Variants in LRCH1 observed in about 807,000 individuals in gnomAD.
The protein encoded by LRCH1 is leucine-rich repeat and calponin homology domain-containing protein 1.
Under a neutral mutation model 94.9 loss-of-function variants are expected in LRCH1, and 23 were observed. That is an observed-to-expected ratio of 0.24 (90% CI 0.17 to 0.34). The LOEUF (loss-of-function observed/expected upper bound fraction) is 0.34, where lower values mean the gene tolerates loss of function less well. Among genes scored for constraint, LRCH1 ranks in the 10% least tolerant of loss-of-function variants. The probability of loss-of-function intolerance (pLI) is 1.00; values close to 1 mark genes in which losing one functional copy is unlikely to be tolerated. For missense variants in LRCH1, 790 were observed against 945.9 expected (o/e 0.84, Z 2.16); for synonymous variants, 364 against 354.9 (o/e 1.03, Z -0.29).
intron 2 of LRCH1, among the ~76,000 whole-genome samples, chr13:46,666,070 G>A (rs1395885335): frequency 6.6e-6 from 1 of 152,196 alleles, no homozygotes. Flanking sequence ...GGAGCAGAGA[G>A]ATGAAGTCGA....
Position 46,553,269 on chromosome 13 carries a change from T to A in LRCH1, c.-128T>A. On this transcript the variant is annotated 5_prime_UTR_variant, in exon 1 of 20. Coordinates refer to ENST00000389797, the MANE Select transcript of LRCH1 (RefSeq NM_001164211.2). The stretch of plus-strand genomic sequence containing the variant: ...TTCTACGCGCCTGCCCACACCCTCC[T>A]CCCCTCCTTCCAGCGCCTTTCGGTG... 10 of 358,922 alleles carry A rather than the reference T, an allele frequency of 2.8e-5. No individual in the cohort carries two copies. The highest frequency in any genetic ancestry group is 3.4e-5 in the Non-Finnish European group (7 of 205,532). 22.2% of individuals were successfully genotyped at this position (358,922 alleles called of 1,614,324 possible).
chr13:46,572,520 A>G (rs2050251885), intron 1 of LRCH1, among the ~76,000 whole-genome samples: 1 of 152,208 alleles, frequency 6.6e-6, no homozygotes, highest in South Asian at 2.1e-4. Flanking sequence ...CTGCATAGCA[A>G]TATGAATACT....
chr13:46,685,815 G>A (rs1338734665), intron 4 of LRCH1, 90 bp from the exon 5 acceptor site: 1 of 925,300 alleles, frequency 1.1e-6, no homozygotes, highest in Non-Finnish European at 1.5e-6. Flanking sequence ...TTCCTGAGAA[G>A]CAGAACATTA....
chr13:46,631,244 A>G (rs144252581), intron 1 of LRCH1, among the ~76,000 whole-genome samples: 5 of 152,338 alleles, frequency 3.3e-5, no homozygotes, highest in East Asian at 1.9e-4. Flanking sequence ...TGCACTTGCC[A>G]TGCCGTCTCA....
At chr13:46,646,040 T>G (rs73487710) in intron 1 of LRCH1, among the ~76,000 whole-genome samples, 4,399 of 152,238 alleles carry the variant, frequency 0.029, 196 homozygotes, top group African/African-American at 0.1. Flanking sequence ...CTGTAGCACA[T>G]CAAGACCACT....
At chr13:46,581,748 A>C (rs1443982610) in intron 1 of LRCH1, among the ~76,000 whole-genome samples, 1 of 152,242 alleles carries the variant, frequency 6.6e-6, no homozygotes, top group Non-Finnish European at 1.5e-5. Context: ...TCACAACCAA[A>C]GGTGGCTTTG....
At position 46,666,813 on chromosome 13, in the gene LRCH1, C is replaced by T. The variant is rs901047764; in HGVS notation, c.453-2217C>T. 2.6e-5 allele frequency among the ~76,000 whole-genome samples: 4 copies of T among 152,260 alleles called. 1 individual carries two copies. In the Middle Eastern group the frequency reaches 0.01, roughly 388 times the overall value. ...TTTTGGAGCTTGAAAAAAGCCCTCA[C>T]AGCAGGGTAACAGGAAGACCCCCTC... On this transcript the variant is annotated intron_variant, in intron 2 of 19. Transcript: ENST00000389797.
chr13:46,661,515 T>C (rs2051448149), intron 2 of LRCH1, among the ~76,000 whole-genome samples: 3 of 152,216 alleles, frequency 2.0e-5, no homozygotes. Context: ...TTGAGTAAAG[T>C]AAGTGGATTT....
chr13:46,573,235 T>C (rs1023750858), intron 1 of LRCH1, among the ~76,000 whole-genome samples: 5 of 152,210 alleles, frequency 3.3e-5, no homozygotes, highest in African/African-American at 1.2e-4. Flanking sequence ...CCTAGGACAG[T>C]GTCTGCCCAT....
At chr13:46,660,185 G>GTT (rs1555279421) in intron 2 of LRCH1, among the ~76,000 whole-genome samples, 1 of 151,600 alleles carries the variant, frequency 6.6e-6, no homozygotes, top group Non-Finnish European at 1.5e-5. Context: ...CTAATTTTTT[G>GTT]TATTTTTTTT....
At chr13:46,706,362 G>A (rs1871760033) in intron 13 of LRCH1, among the ~76,000 whole-genome samples, 1 of 152,146 alleles carries the variant, frequency 6.6e-6, no homozygotes, top group African/African-American at 2.4e-5. Context: ...TTAGCTATTA[G>A]CTTACTTCTC....
Position 46,743,314 on chromosome 13 carries a change from C to G in LRCH1, c.*1466C>G. 1.0e-6 allele frequency: 1 copy of G among 985,834 alleles called. No homozygotes were observed. Among genetic ancestry groups the G allele is most frequent in the African/African-American group, 1.7e-5 (1 of 57,356 alleles). 61.1% of individuals were successfully genotyped at this position (985,834 alleles called of 1,614,324 possible). On this transcript the variant is annotated 3_prime_UTR_variant, in exon 20 of 20. Coordinates refer to ENST00000389797, the MANE Select transcript of LRCH1 (RefSeq NM_001164211.2). The stretch of plus-strand genomic sequence containing the variant: ...ATATATTTATAAAGATTCCTTGCTG[C>G]TAAGTCAGATCAGATTTGCTAACAG...
At chr13:46,706,014 T>C (rs1372938051) in intron 13 of LRCH1, among the ~76,000 whole-genome samples, 1 of 152,226 alleles carries the variant, frequency 6.6e-6, no homozygotes, top group African/African-American at 2.4e-5. Context: ...ACCAAGATTG[T>C]GTACAAACAC....
At chr13:46,727,850 AAAG>A (rs1207915968) in intron 17 of LRCH1, among the ~76,000 whole-genome samples, 16 of 152,222 alleles carry the variant, frequency 1.1e-4, no homozygotes, top group African/African-American at 3.4e-4. Context: ...TTAATTTTTA[AAAG>A]AAGGACAAAG....
intron 13 of LRCH1, among the ~76,000 whole-genome samples, chr13:46,709,356 GC>G (rs2138194881): frequency 6.6e-6 from 1 of 152,258 alleles, no homozygotes; most frequent in African/African-American, 2.4e-5. Flanking sequence ...ATCAGCCAAG[GC>G]CATTAAGCCT....
At chr13:46,682,174 C>G (rs886680040) in intron 4 of LRCH1, among the ~76,000 whole-genome samples, 1 of 152,046 alleles carries the variant, frequency 6.6e-6, no homozygotes, top group African/African-American at 2.4e-5. Context: ...ACTTCATCTT[C>G]TCACAATTTT....
rs549974495 is a variant in LRCH1, at chr13:46,718,142, A to G, written c.1759+2478A>G. Among the ~76,000 whole-genome samples, 42 of 152,158 alleles carry G rather than the reference A, an allele frequency of 2.8e-4. No homozygotes were observed. The South Asian group carries it at 7.3e-3, about 26-fold the overall frequency. On this transcript the variant is annotated intron_variant, in intron 16 of 19. Transcript: ENST00000389797. ...CACTTTGAAGTTAAAAACCATTTCT[A>G]TCTTCTTTGGGGTCATTTTTGCTCT... is the stretch of plus-strand genomic sequence containing the variant.
intron 17 of LRCH1, among the ~76,000 whole-genome samples, chr13:46,727,111 A>G (rs144022335): frequency 6.6e-6 from 1 of 152,342 alleles, no homozygotes; most frequent in Non-Finnish European, 1.5e-5. Flanking sequence ...GTGAACAACG[A>G]TGTACATGGT....
intron 2 of LRCH1, among the ~76,000 whole-genome samples, chr13:46,659,576 C>A (rs557476026): frequency 1.3e-5 from 2 of 152,160 alleles, no homozygotes; most frequent in Admixed American, 6.6e-5. Context: ...TAGCAAAAAA[C>A]CAAAAAGAAC....
Sources: allele counts gnomAD v4.1 joint callset (sites outside exome capture counted in the v4.1 genomes callset), GRCh38; gene constraint gnomAD v4.1.1; transcripts MANE v1.5; gene names NCBI Gene and HGNC (gene_info 2026-07-23, HGNC 2026-07-21).